TSHR: variants seen among roughly 807,000 people sequenced by gnomAD.
TSHR encodes thyroid stimulating hormone receptor, also known as thyrotropin receptor.
A neutral mutation model predicts 64.1 loss-of-function variants in TSHR; 51 were observed. That is an observed-to-expected ratio of 0.80 (90% confidence interval 0.64 to 1.01). TSHR has a LOEUF of 1.01. Ranked by LOEUF, TSHR falls within the 50% of genes least tolerant of loss-of-function variation. TSHR has a pLI of 0.00. For synonymous variants in TSHR, 361 were observed against 361.9 expected, an observed-to-expected ratio of 1.00 and a Z score of 0.03; for missense variants, 877 against 942.8, an observed-to-expected ratio of 0.93 and a Z score of 0.91.
At chr14:80,975,788 GATTGCCT>G (rs1236662036) in intron 1 of TSHR, among the ~76,000 whole-genome samples, 1 of 152,180 alleles carries the variant, frequency 6.6e-6, no homozygotes, top group Non-Finnish European at 1.5e-5. Context: ...CATACTCCTT[GATTGCCT>G]GGTGCCTTAC....
Position 81,109,716 on chromosome 14 carries a change from T to G in TSHR, c.692+1264T>G, listed in dbSNP as rs1247440860. 3.9e-5 allele frequency among the ~76,000 whole-genome samples: 6 copies of G among 152,204 alleles called. No homozygotes were observed. In the East Asian group the frequency reaches 1.2e-3, roughly 29 times the overall value. On this transcript the variant is annotated intron_variant, in intron 8 of 9. Transcript: ENST00000298171. ...TCACTTTCAGACTGAATGCACCCAG[T>G]GCATTTAAGGTCCTGTTCTCTTAAC...
chr14:81,021,155 T>C (rs1040485655), intron 1 of TSHR, among the ~76,000 whole-genome samples: 6 of 151,760 alleles, frequency 4.0e-5, no homozygotes, highest in African/African-American at 1.5e-4. Flanking sequence ...CCCAGAACCA[T>C]GCCCCCGACC....
In TSHR at chr14:81,139,878, G is replaced by A. The variant is rs781037256; in HGVS notation, c.881+11G>A. ...GAAGAAAATCAGAGGGTAAGTGGCA[G>A]GGACCCGGCATAAGTGACAAAAGAC... On this transcript the variant is annotated intron_variant, in intron 9 of 9. Transcript: ENST00000298171. 8.1e-6 allele frequency: 13 copies of A among 1,614,012 alleles called. No individual in the cohort carries two copies. Among genetic ancestry groups the A allele is most frequent in the African/African-American group, 4.0e-5 (3 of 74,928 alleles).
chr14:81,041,411 T>C (rs1001459441), intron 1 of TSHR, among the ~76,000 whole-genome samples: 4 of 151,970 alleles, frequency 2.6e-5, no homozygotes, highest in African/African-American at 9.7e-5. Flanking sequence ...AGCAAACAAA[T>C]GCAGGTACAG....
chr14:80,998,695 C>G (rs924400580), intron 1 of TSHR, among the ~76,000 whole-genome samples: 7 of 151,834 alleles, frequency 4.6e-5, no homozygotes, highest in Admixed American at 4.6e-4. Flanking sequence ...TTATCTTGAC[C>G]TCACTGACAA....
At chr14:81,106,119 C>T (rs147653176) in intron 7 of TSHR, among the ~76,000 whole-genome samples, 1 of 152,280 alleles carries the variant, frequency 6.6e-6, no homozygotes, top group African/African-American at 2.4e-5. Context: ...TTAGCCAGGT[C>T]TCTGAATGCA....
At chr14:80,971,489 A>G (rs1887585542) in intron 1 of TSHR, among the ~76,000 whole-genome samples, 1 of 152,240 alleles carries the variant, frequency 6.6e-6, no homozygotes, top group African/African-American at 2.4e-5. Context: ...ATAAAGTGCT[A>G]CAGGCTGTGC....
intron 8 of TSHR, among the ~76,000 whole-genome samples, chr14:81,120,014 C>T (rs1203903931): frequency 8.9e-6 from 1 of 112,708 alleles, no homozygotes; most frequent in Non-Finnish European, 1.8e-5. Flanking sequence ...GAACATCACA[C>T]TCTGGGGACT....
At position 81,103,563 on chromosome 14, in the gene TSHR, A is replaced by C; in HGVS notation, c.615-4812A>C. ...GCTGATGCCTCAGCAGCAGTCAAGC[A>C]ATTAGTTAGGATTTCATGAAAATGA... On this transcript the variant is annotated intron_variant, in intron 7 of 9. Coordinates refer to ENST00000298171, the MANE Select transcript of TSHR (RefSeq NM_000369.5). The surrounding 1 kb of genome is among the most constrained non-coding windows in gnomAD (Gnocchi z 4.1). 1 of 985,474 alleles carries C rather than the reference A, an allele frequency of 1.0e-6. No individual in the cohort carries two copies. The highest frequency in any genetic ancestry group is 5.2e-4 in the Middle Eastern group (1 of 1,914). 61.0% of individuals were successfully genotyped at this position (985,474 alleles called of 1,614,324 possible). A position where few individuals can be genotyped will look rare whatever the true frequency, so the allele number is the denominator to read the frequency against.
At chr14:81,110,410 C>A (rs148339284) in intron 8 of TSHR, among the ~76,000 whole-genome samples, 1 of 152,144 alleles carries the variant, frequency 6.6e-6, no homozygotes, top group Non-Finnish European at 1.5e-5. Flanking sequence ...GGAAAGGCCA[C>A]GTGAGGCCAC....
intron 4 of TSHR, among the ~76,000 whole-genome samples, chr14:81,088,285 T>C (rs1888444378): frequency 6.6e-6 from 1 of 152,202 alleles, no homozygotes; most frequent in Non-Finnish European, 1.5e-5. Context: ...ATGTGGTCCT[T>C]AAATGTAGTA....
intron 1 of TSHR, among the ~76,000 whole-genome samples, chr14:81,008,224 G>C (rs1412836515): frequency 9.4e-5 from 14 of 149,390 alleles, no homozygotes; most frequent in Non-Finnish European, 1.5e-4. Context: ...CCAGGCTGGA[G>C]TGCAGTGGCA....
intron 1 of TSHR, among the ~76,000 whole-genome samples, chr14:81,061,655 G>A (rs1453535364): frequency 1.3e-5 from 2 of 152,030 alleles, no homozygotes; most frequent in South Asian, 2.1e-4. Context: ...AGGGTGGGAG[G>A]AGGGAAAGGA....
In TSHR at chr14:81,068,375, T is replaced by C. The variant is rs747633134; in HGVS notation, c.317+47T>C. The stretch of plus-strand genomic sequence containing the variant: ...GCATAGACCTAAGCCACAACCACTC[T>C]TGACTGATAATCTTGGGGCTCCAGA... On this transcript the variant is annotated intron_variant, in intron 3 of 9. Coordinates refer to ENST00000298171, the MANE Select transcript of TSHR (RefSeq NM_000369.5). 5 of 1,577,150 alleles carry C rather than the reference T, an allele frequency of 3.2e-6. No homozygotes were observed. The African/African-American group carries it at 5.4e-5, about 17-fold the overall frequency.
chr14:81,093,256 C>T (rs60447919), intron 6 of TSHR, among the ~76,000 whole-genome samples: 39,031 of 152,160 alleles, frequency 0.26, 7,466 homozygotes, highest in African/African-American at 0.54. Context: ...TTTCCAGAGC[C>T]TGAATGGGGG....
At chr14:81,073,897 A>G (rs1000973332) in intron 3 of TSHR, among the ~76,000 whole-genome samples, 1 of 152,122 alleles carries the variant, frequency 6.6e-6, no homozygotes, top group African/African-American at 2.4e-5. Flanking sequence ...CTGACTCCAA[A>G]TCTCATATCC....
intron 1 of TSHR, among the ~76,000 whole-genome samples, chr14:81,007,039 G>A (rs1889642676): frequency 6.6e-6 from 1 of 152,088 alleles, no homozygotes; most frequent in South Asian, 2.1e-4. Flanking sequence ...TGCTATCCAG[G>A]ATACCACATT....
At chr14:81,002,970 C>T in intron 1 of TSHR, among the ~76,000 whole-genome samples, 1 of 36,778 alleles carries the variant, frequency 2.7e-5, no homozygotes, top group Non-Finnish European at 5.1e-5. Flanking sequence ...CCAATGCTAT[C>T]CCTCCCCCCT....
intron 1 of TSHR, among the ~76,000 whole-genome samples, chr14:81,020,475 C>T (rs1233191980): frequency 6.6e-6 from 1 of 152,276 alleles, no homozygotes; most frequent in South Asian, 2.1e-4. Context: ...GGAAAGTGAA[C>T]CCTATTGTGA....
Sources: gnomAD v4.1 joint callset for allele counts (sites outside exome capture counted in the v4.1 genomes callset) on GRCh38, gnomAD v4.1.1 for gene constraint, Gnocchi (gnomAD v3.1) non-coding constraint, MANE v1.5 for transcripts, NCBI Gene and HGNC (gene_info 2026-07-23, HGNC 2026-07-21) for gene names.